PLEKHA7: variants seen among roughly 807,000 people sequenced by gnomAD.
The protein encoded by PLEKHA7 is pleckstrin homology domain-containing family A member 7.
PLEKHA7 carries 104 observed loss-of-function variants against 170.0 expected under a neutral mutation model. The observed-to-expected ratio is 0.61, with a 90% CI of 0.52 to 0.72. PLEKHA7 has a LOEUF of 0.72. Ranked by LOEUF, PLEKHA7 falls within the 30% of genes least tolerant of loss-of-function variation. PLEKHA7 has a pLI of 0.00. For missense variants in PLEKHA7, 1,615 were observed against 1,671.7 expected, an observed-to-expected ratio of 0.97 and a Z score of 0.59; for synonymous variants, 648 against 660.8, an observed-to-expected ratio of 0.98 and a Z score of 0.30.
intron 3 of PLEKHA7, among the ~76,000 whole-genome samples, chr11:16,882,457 C>T (rs1855780269): frequency 6.6e-6 from 1 of 152,248 alleles, no homozygotes; most frequent in African/African-American, 2.4e-5. Flanking sequence ...TTAAAGAAAG[C>T]TCCCCAAACT....
intron 25 of PLEKHA7, among the ~76,000 whole-genome samples, chr11:16,783,496 G>A (rs1387865019): frequency 6.6e-6 from 1 of 152,236 alleles, no homozygotes; most frequent in African/African-American, 2.4e-5. Flanking sequence ...TACGAATGTT[G>A]CAGGTCTTTC....
intron 6 of PLEKHA7, among the ~76,000 whole-genome samples, chr11:16,853,652 T>C (rs886520595): frequency 3.9e-5 from 6 of 152,152 alleles, no homozygotes; most frequent in African/African-American, 1.4e-4. Flanking sequence ...GCATCCTTTG[T>C]TTAATGGGGA....
At chr11:16,894,352 A>G (rs1856865598) in intron 3 of PLEKHA7, among the ~76,000 whole-genome samples, 1 of 152,256 alleles carries the variant, frequency 6.6e-6, no homozygotes, top group Admixed American at 6.5e-5. Context: ...AGTCCCAGTT[A>G]GAGGAACAGA....
At chr11:16,807,186 T>C in intron 13 of PLEKHA7, 2 of 985,710 alleles carry the variant, frequency 2.0e-6, no homozygotes, top group Middle Eastern at 1.0e-3. Context: ...TCTTCAGCAC[T>C]TTGTAAAGCA....
chr11:16,932,063 C>T lies in PLEKHA7; in HGVS notation c.222-60881G>A, dbSNP rs549496588. 5.9e-5 allele frequency among the ~76,000 whole-genome samples: 9 copies of T among 152,240 alleles called. No homozygotes were observed. In the South Asian group the frequency reaches 1.9e-3, roughly 32 times the overall value. On this transcript the variant is annotated intron_variant, in intron 3 of 26. Coordinates refer to ENST00000531066, the MANE Select transcript of PLEKHA7 (RefSeq NM_001329630.2). ...TGTTATCACCTATAAACTCCATGAA[C>T]TCTCATAGATGTGAGTTAAAATCTA...
rs568241293 is a variant in PLEKHA7 at position 16,935,025 on chromosome 11, A to G, written c.222-63843T>C. Among the ~76,000 whole-genome samples, 6 of 152,356 alleles carry G rather than the reference A, an allele frequency of 3.9e-5. No homozygotes were observed. In the East Asian group the frequency reaches 5.8e-4, roughly 15 times the overall value. ...AATGGGCGATTTTCTGGCTCTTACC[A>G]TTCAAACTAGGAACAAGACGCCAGT... On this transcript the variant is annotated intron_variant, in intron 3 of 26. Coordinates refer to ENST00000531066, the MANE Select transcript of PLEKHA7 (RefSeq NM_001329630.2).
intron 3 of PLEKHA7, 81 bp downstream of exon 3, chr11:17,013,907 GA>G: frequency 7.0e-7 from 1 of 1,436,806 alleles, no homozygotes; most frequent in South Asian, 1.3e-5. Context: ...GGGAGCAGAG[GA>G]AGGGCGGGGC....
chr11:16,838,874 G>A (rs1487060595), intron 9 of PLEKHA7, among the ~76,000 whole-genome samples: 1 of 151,994 alleles, frequency 6.6e-6, no homozygotes, highest in Non-Finnish European at 1.5e-5. Context: ...TTTTAGTAGA[G>A]ATGGGGTTTC....
chr11:16,852,384 A>AAT, intron 6 of PLEKHA7, 29 bp from the exon 7 acceptor site: 1 of 1,603,066 alleles, frequency 6.2e-7, no homozygotes. Flanking sequence ...TAGTCAGGGT[A>AAT]ATATCTGAGC....
intron 3 of PLEKHA7, among the ~76,000 whole-genome samples, chr11:16,946,880 T>C (rs571043919): frequency 5.3e-5 from 8 of 152,090 alleles, no homozygotes; most frequent in Non-Finnish European, 1.0e-4. Flanking sequence ...CTGATCAAAG[T>C]GGAAGAAGAA....
intron 3 of PLEKHA7, among the ~76,000 whole-genome samples, chr11:16,977,733 C>T (rs1314549734): frequency 1.3e-5 from 2 of 152,130 alleles, no homozygotes; most frequent in East Asian, 1.9e-4. Context: ...AGACTGTGGC[C>T]CAGTAGCTGC....
intron 3 of PLEKHA7, among the ~76,000 whole-genome samples, chr11:17,010,514 G>C (rs1865262681): frequency 6.6e-6 from 1 of 152,226 alleles, no homozygotes; most frequent in Non-Finnish European, 1.5e-5. Flanking sequence ...GCTGAAGTGA[G>C]AGGATCACTT....
At chr11:16,982,211 C>T (rs1374190141) in intron 3 of PLEKHA7, among the ~76,000 whole-genome samples, 2 of 152,266 alleles carry the variant, frequency 1.3e-5, no homozygotes, top group Non-Finnish European at 2.9e-5. Flanking sequence ...TGGAAGGGCC[C>T]CAAGCCCCTT....
chr11:16,812,754 G>C (rs760773734), intron 13 of PLEKHA7, among the ~76,000 whole-genome samples: 4 of 152,146 alleles, frequency 2.6e-5, no homozygotes, highest in Non-Finnish European at 5.9e-5. Flanking sequence ...ACTTGTGGCT[G>C]AAAACCCACA....
intron 3 of PLEKHA7, among the ~76,000 whole-genome samples, chr11:16,936,224 A>T (rs1590662374): frequency 6.6e-6 from 1 of 151,878 alleles, no homozygotes; most frequent in East Asian, 1.9e-4. Context: ...ACATAGTGAA[A>T]CCCTGTCTCT....
chr11:16,900,748 C>A (rs1857274904), intron 3 of PLEKHA7, among the ~76,000 whole-genome samples: 1 of 152,148 alleles, frequency 6.6e-6, no homozygotes, highest in East Asian at 1.9e-4. Context: ...TGGACAAACA[C>A]TCATGAGATC....
intron 3 of PLEKHA7, among the ~76,000 whole-genome samples, chr11:16,899,223 G>A (rs1398799408): frequency 1.3e-5 from 2 of 152,200 alleles, no homozygotes; most frequent in Non-Finnish European, 2.9e-5. Context: ...ATGGCTGGGC[G>A]CGGTGGCTCA....
At chr11:16,806,696 T>C (rs950772090) in intron 13 of PLEKHA7, among the ~76,000 whole-genome samples, 18 of 152,208 alleles carry the variant, frequency 1.2e-4, no homozygotes, top group Admixed American at 9.8e-4. Context: ...CAGGCTGTTA[T>C]CCAAATACCA....
intron 3 of PLEKHA7, among the ~76,000 whole-genome samples, chr11:16,929,873 G>A (rs1362352651): frequency 2.6e-5 from 4 of 152,152 alleles, no homozygotes; most frequent in East Asian, 3.9e-4. Flanking sequence ...GCGTGGTGGC[G>A]TGTGCCTGTA....
Sources: gnomAD v4.1 joint callset for allele counts (sites outside exome capture counted in the v4.1 genomes callset) on GRCh38, gnomAD v4.1.1 for gene constraint, MANE v1.5 for transcripts, NCBI Gene and HGNC (gene_info 2026-07-23, HGNC 2026-07-21) for gene names.